Variants in TMEM253 observed in about 807,000 individuals in gnomAD.
TMEM253 encodes transmembrane protein 253.
A neutral mutation model predicts 20.3 loss-of-function variants in TMEM253; 22 were observed. The observed-to-expected ratio is 1.08, with a 90% CI of 0.78 to 1.55. The LOEUF is 1.55. TMEM253 is among the 40% of genes most tolerant of loss of function. The pLI is 0.00. For missense variants in TMEM253, 251 were observed against 266.1 expected (o/e 0.94, Z 0.39); for synonymous variants, 92 against 102.6 (o/e 0.90, Z 0.62).
At chr14:21,103,641 T>G (rs1889792879) in exon 7 of TMEM253, 1 of 189,790 alleles carries the variant, frequency 5.3e-6, no homozygotes, top group African/African-American at 2.4e-5. Flanking sequence ...CCATCTCCTT[T>G]CTACTGTAGC....
At chr14:21,102,245 C>T (rs1889687943) in intron 4 of TMEM253, 125 bp downstream of exon 4, 1 of 1,411,868 alleles carries the variant, frequency 7.1e-7, no homozygotes, top group South Asian at 1.4e-5. Context: ...TGACTGGCCT[C>T]AATCACTGAG....
At chr14:21,101,508 TTCCA>T (rs891442451) in intron 2 of TMEM253, 57 bp downstream of exon 2, 267 of 1,454,506 alleles carry the variant, frequency 1.8e-4, no homozygotes, top group Non-Finnish European at 2.2e-4. Context: ...CCCAATTCAA[TTCCA>T]TCCATCCATC....
rs1465989576 is a variant in TMEM253 at position 21,101,878 on chromosome 14, G to A, written c.122G>A (p.Trp41Ter). ...CCTTACCCCCAGGTGAGCCAGCTAT[G>A]GCTGGCAGTGGTTGTGGTGCCCCTT... Residue 41 changes from tryptophan to a stop codon, truncating the protein, a stop_gained, in exon 3 of 7, where the codon TGG (tryptophan) becomes TAG (stop). Transcript: ENST00000556585. LOFTEE classifies it high-confidence loss of function. 15 of 1,551,362 alleles carry A rather than the reference G, an allele frequency of 9.7e-6. No individual in the cohort carries two copies. Among genetic ancestry groups the A allele is most frequent in the Non-Finnish European group, 1.3e-5 (15 of 1,146,946 alleles).
At chr14:21,099,125 G>C (rs1889488197), upstream of TMEM253, 13 of 241,974 alleles carry the variant, frequency 5.4e-5, no homozygotes, top group South Asian at 5.0e-4. Context: ...GCCAGGCACT[G>C]GGCTCAGCGC....
chr14:21,099,851 A>G (rs985795599), upstream of TMEM253, among the ~76,000 whole-genome samples: 4 of 152,124 alleles, frequency 2.6e-5, no homozygotes, highest in African/African-American at 4.8e-5. Flanking sequence ...TCTATAGAGT[A>G]TATTTGGGCC....
upstream of TMEM253, among the ~76,000 whole-genome samples, chr14:21,100,907 G>A (rs796138181): frequency 2.0e-5 from 3 of 152,314 alleles, no homozygotes; most frequent in African/African-American, 7.2e-5. Flanking sequence ...AGTGAAACCA[G>A]AAAAGGAACC....
At chr14:21,101,219 T>G in intron 1 of TMEM253, 35 bp downstream of exon 1, 2 of 843,162 alleles carry the variant, frequency 2.4e-6, no homozygotes, top group Non-Finnish European at 3.7e-6. Context: ...AATCCCTGGA[T>G]ATTGGGAGTG....
chr14:21,101,949 G>C (rs1421229153), exon 3 of TMEM253: 3 of 1,551,562 alleles, frequency 1.9e-6, no homozygotes, highest in Non-Finnish European at 2.6e-6. Flanking sequence ...CATGGCCACA[G>C]CGCTGCCTCT....
intron 4 of TMEM253, 118 bp downstream of exon 4, chr14:21,102,238 C>G (rs1889687555): frequency 2.8e-6 from 4 of 1,407,906 alleles, no homozygotes; most frequent in Non-Finnish European, 9.6e-7. Context: ...TCACCACTGA[C>G]TGGCCTCAAT....
upstream of TMEM253, chr14:21,098,912 G>C: frequency 8.0e-7 from 1 of 1,245,850 alleles, no homozygotes; most frequent in South Asian, 1.3e-5. Context: ...TACAATTTCT[G>C]TCTCTCTTTT....
At chr14:21,101,534 A>G in intron 2 of TMEM253, 83 bp downstream of exon 2, 2 of 1,278,984 alleles carry the variant, frequency 1.6e-6, no homozygotes, top group Non-Finnish European at 2.2e-6. Context: ...ATCCATGTTA[A>G]GTGAGCACCT....
At chr14:21,100,358 T>C (rs979861701), upstream of TMEM253, among the ~76,000 whole-genome samples, 7 of 138,882 alleles carry the variant, frequency 5.0e-5, no homozygotes, top group African/African-American at 1.5e-4. Context: ...AGTGAGCCCC[T>C]GTCTCAATAA....
chr14:21,101,674 A>G (rs779430948), intron 2 of TMEM253, 191 bp from the exon 3 acceptor site: 6 of 644,946 alleles, frequency 9.3e-6, no homozygotes, highest in Admixed American at 8.8e-5. Flanking sequence ...CAGGTAAGTA[A>G]CTAAACTACA....
rs147177269 is a variant in TMEM253, at chr14:21,102,606, T to A, written c.388-27T>A. 12,387 of 1,551,102 alleles carry A rather than the reference T, an allele frequency of 8.0e-3. 66 individuals are homozygous for A. Among genetic ancestry groups the A allele is most frequent in the Non-Finnish European group, 8.9e-3 (10,247 of 1,146,720 alleles). Reference sequence around the variant, plus strand: ...CAGGGGCAAACAGGTGCGGGGTCCCTGCATTCTCAGCCCTGTCTACCTGCA... The same window carrying A: ...CAGGGGCAAACAGGTGCGGGGTCCCAGCATTCTCAGCCCTGTCTACCTGCA... On this transcript the variant is annotated intron_variant, in intron 5 of 6. Transcript: ENST00000556585.
At chr14:21,101,563 A>C in intron 2 of TMEM253, 112 bp downstream of exon 2, 1 of 1,024,468 alleles carries the variant, frequency 9.8e-7, no homozygotes. Context: ...CCAGAAACTG[A>C]GCTAGGTTCT....
intron 1 of TMEM253, 57 bp from the exon 2 acceptor site, chr14:21,101,251 T>A (rs567298554): frequency 1.7e-6 from 2 of 1,172,654 alleles, no homozygotes; most frequent in Non-Finnish European, 2.4e-6. Context: ...AGCTGAAAGA[T>A]ACGTTGTTGC....
chr14:21,103,691 C>G (rs1354032153), exon 7 of TMEM253: 1 of 155,402 alleles, frequency 6.4e-6, no homozygotes, highest in Non-Finnish European at 1.4e-5. Flanking sequence ...AGCCCGTGAC[C>G]GGCTAGGAAA....
exon 7 of TMEM253, chr14:21,103,544 T>G (rs149209700): frequency 5.1e-6 from 2 of 392,776 alleles, no homozygotes; most frequent in Admixed American, 4.3e-5. Flanking sequence ...TGTCCACCTT[T>G]CATAATCCCA....
rs926904319 is a variant in TMEM253, at chr14:21,102,501, A to G, written c.373A>G (p.Thr125Ala). 7 of 1,551,630 alleles carry G rather than the reference A, an allele frequency of 4.5e-6. No individual in the cohort carries two copies. Among genetic ancestry groups the G allele is most frequent in the African/African-American group, 1.4e-5 (1 of 73,040 alleles). Residue 125 changes from threonine (T) to alanine (A), a missense_variant, in exon 5 of 7, where the codon ACT (threonine) becomes GCT (alanine). By Grantham distance (58) the Thr-to-Ala change is moderately conservative. Coordinates refer to ENST00000556585, the Ensembl canonical transcript of TMEM253. The stretch of plus-strand genomic sequence containing the variant: ...GAAGACAGCCTTGGGGCCTGCCCCA[A>G]CTGCCTCCTCCCAGGTACTGGTCAA...
Sources: gnomAD v4.1 joint callset for allele counts (sites outside exome capture counted in the v4.1 genomes callset) on GRCh38, gnomAD v4.1.1 for gene constraint, MANE v1.5 for transcripts, NCBI Gene and HGNC (gene_info 2026-07-23, HGNC 2026-07-21) for gene names.